MAP3K5: variants seen among roughly 807,000 people sequenced by gnomAD.
The protein encoded by MAP3K5 is mitogen-activated protein kinase kinase kinase 5.
A neutral mutation model predicts 158.7 loss-of-function variants in MAP3K5; 56 were observed. That is an observed-to-expected ratio of 0.35 (90% confidence interval 0.28 to 0.44). The LOEUF is 0.44. MAP3K5 is among the 20% of genes least tolerant of loss of function. MAP3K5 has a pLI of 1.00. For missense variants in MAP3K5, 1,294 were observed against 1,674.8 expected (o/e 0.77, Z 3.97); for synonymous variants, 579 against 601.7 (o/e 0.96, Z 0.55).
chr6:136,568,729 C>T (rs550038195), intron 25 of MAP3K5, among the ~76,000 whole-genome samples: 4 of 151,526 alleles, frequency 2.6e-5, no homozygotes, highest in South Asian at 2.1e-4. Flanking sequence ...AAAAATTAGC[C>T]GGACATGGTG....
At chr6:136,607,038 C>A (rs990093083) in intron 18 of MAP3K5, among the ~76,000 whole-genome samples, 12 of 152,202 alleles carry the variant, frequency 7.9e-5, no homozygotes, top group African/African-American at 2.9e-4. Context: ...TTTCACCTGG[C>A]CAAAGACAAG....
rs188847959 is a variant in MAP3K5 at position 136,615,571 on chromosome 6, T to C, written c.2151-1285A>G. Among the ~76,000 whole-genome samples the C allele has an allele frequency of 4.8e-3, 734 of 152,328 alleles. 5 individuals carry two copies. The highest frequency in any genetic ancestry group is 0.017 in the African/African-American group (704 of 41,580). On this transcript the variant is annotated intron_variant, in intron 15 of 29. Coordinates refer to ENST00000359015, the MANE Select transcript of MAP3K5 (RefSeq NM_005923.4). ...GGTTTGGTGATGTGGAACCCTAGCATGGTTCCACAGGCTGGTCTGTTGGAG... is the reference window on the plus strand; with the variant it reads ...GGTTTGGTGATGTGGAACCCTAGCACGGTTCCACAGGCTGGTCTGTTGGAG...
At chr6:136,660,389 A>G (rs1778953538) in intron 8 of MAP3K5, among the ~76,000 whole-genome samples, 1 of 152,068 alleles carries the variant, frequency 6.6e-6, no homozygotes, top group Non-Finnish European at 1.5e-5. Flanking sequence ...CTGTCTCATG[A>G]AAAAAAATTT....
intron 1 of MAP3K5, among the ~76,000 whole-genome samples, chr6:136,750,591 G>A (rs1424485407): frequency 1.3e-5 from 2 of 152,134 alleles, no homozygotes; most frequent in Non-Finnish European, 1.5e-5. Context: ...TTACCGTTTC[G>A]ACAAGATCAT....
chr6:136,744,281 C>A (rs919203425), intron 1 of MAP3K5, among the ~76,000 whole-genome samples: 1 of 152,066 alleles, frequency 6.6e-6, no homozygotes, highest in South Asian at 2.1e-4. Flanking sequence ...AGTTTATGGG[C>A]AGTCTCTGTA....
At chr6:136,790,743 G>A (rs1262812924) in intron 1 of MAP3K5, among the ~76,000 whole-genome samples, 1 of 152,194 alleles carries the variant, frequency 6.6e-6, no homozygotes, top group East Asian at 1.9e-4. Flanking sequence ...ACTAAACCAA[G>A]TTTTTACCCA....
intron 8 of MAP3K5, among the ~76,000 whole-genome samples, chr6:136,660,744 A>C (rs1376713270): frequency 6.6e-6 from 1 of 152,232 alleles, no homozygotes; most frequent in Non-Finnish European, 1.5e-5. Context: ...TATCATTTCA[A>C]TATCATATGG....
intron 1 of MAP3K5, among the ~76,000 whole-genome samples, chr6:136,744,825 G>A (rs977019093): frequency 6.6e-6 from 1 of 152,160 alleles, no homozygotes; most frequent in Admixed American, 6.5e-5. Context: ...TACTTGGTCT[G>A]GGGTGTAGGG....
At chr6:136,619,415 A>G (rs1309699186) in intron 15 of MAP3K5, among the ~76,000 whole-genome samples, 2 of 152,174 alleles carry the variant, frequency 1.3e-5, no homozygotes, top group Non-Finnish European at 2.9e-5. Context: ...ACGTGATGTG[A>G]TTTTTAAAAA....
At chr6:136,663,147 T>C (rs565597116) in intron 8 of MAP3K5, among the ~76,000 whole-genome samples, 1 of 123,870 alleles carries the variant, frequency 8.1e-6, no homozygotes, top group East Asian at 2.4e-4. Context: ...TATCTCCCTT[T>C]TGTAGTAAGG....
At chr6:136,585,467 T>TC (rs1562524706) in intron 23 of MAP3K5, among the ~76,000 whole-genome samples, 23 of 136,124 alleles carry the variant, frequency 1.7e-4, no homozygotes, top group Non-Finnish European at 3.1e-4. Context: ...TCCTTTCTTT[T>TC]CTTTTCTTTA....
chr6:136,726,806 G>A (rs1400280997), intron 1 of MAP3K5, among the ~76,000 whole-genome samples: 1 of 152,030 alleles, frequency 6.6e-6, no homozygotes, highest in Non-Finnish European at 1.5e-5. Context: ...AATAATTTTT[G>A]TAGATTGATC....
At chr6:136,581,919 C>T (rs1774897532) in intron 24 of MAP3K5, among the ~76,000 whole-genome samples, 1 of 152,050 alleles carries the variant, frequency 6.6e-6, no homozygotes, top group Non-Finnish European at 1.5e-5. Flanking sequence ...CCAATCTCTA[C>T]TAAAAATACA....
intron 14 of MAP3K5, among the ~76,000 whole-genome samples, chr6:136,626,599 C>T (rs959525765): frequency 6.6e-6 from 1 of 152,190 alleles, no homozygotes; most frequent in Non-Finnish European, 1.5e-5. Flanking sequence ...ACACCCAATT[C>T]CTGTAGTCTA....
At chr6:136,633,589 C>T (rs1209760905) in intron 14 of MAP3K5, among the ~76,000 whole-genome samples, 2 of 152,040 alleles carry the variant, frequency 1.3e-5, no homozygotes, top group African/African-American at 4.8e-5. Context: ...GTAGATCCAG[C>T]TTGAATCAGA....
intron 1 of MAP3K5, among the ~76,000 whole-genome samples, chr6:136,733,232 A>T (rs1266890158): frequency 6.6e-6 from 1 of 152,150 alleles, no homozygotes; most frequent in African/African-American, 2.4e-5. Flanking sequence ...TCCTGGTCTC[A>T]ACCAGTCCTC....
chr6:136,671,302 G>A (rs1340521623), intron 7 of MAP3K5, among the ~76,000 whole-genome samples: 1 of 152,130 alleles, frequency 6.6e-6, no homozygotes, highest in Non-Finnish European at 1.5e-5. Flanking sequence ...GTTTATATCT[G>A]TTTTTCTGTT....
chr6:136,771,373 T>C (rs1485085926), intron 1 of MAP3K5, among the ~76,000 whole-genome samples: 1 of 152,028 alleles, frequency 6.6e-6, no homozygotes, highest in Non-Finnish European at 1.5e-5. Context: ...CGGACCAGAT[T>C]GAGGACTAGC....
intron 1 of MAP3K5, among the ~76,000 whole-genome samples, chr6:136,765,436 A>G (rs1783921186): frequency 6.6e-6 from 1 of 152,074 alleles, no homozygotes; most frequent in East Asian, 1.9e-4. Context: ...AACTGGAACT[A>G]CAGGCAAACA....
Sources: gnomAD v4.1 joint callset for allele counts (sites outside exome capture counted in the v4.1 genomes callset) on GRCh38, gnomAD v4.1.1 for gene constraint, MANE v1.5 for transcripts, NCBI Gene and HGNC (gene_info 2026-07-23, HGNC 2026-07-21) for gene names.